The following RBFOX1 variants were observed in gnomAD, a reference collection of about 807,000 sequenced individuals.
The protein encoded by RBFOX1 is RNA binding fox-1 homolog 1, also known as RNA binding protein fox-1 homolog 1.
RBFOX1 carries 8 observed loss-of-function variants against 57.7 expected under a neutral mutation model. The observed-to-expected ratio is 0.14, with a 90% CI of 0.08 to 0.25. RBFOX1 has a LOEUF of 0.25. Among genes scored for constraint, RBFOX1 ranks in the 10% least tolerant of loss-of-function variants. RBFOX1 has a pLI of 1.00. For missense variants in RBFOX1, 611 were observed against 548.5 expected (o/e 1.11, Z -1.14); for synonymous variants, 326 against 222.4 (o/e 1.47, Z -4.15).
At chr16:5,263,034 C>G (rs546519536) in intron 1 of RBFOX1, among the ~76,000 whole-genome samples, 1 of 151,844 alleles carries the variant, frequency 6.6e-6, no homozygotes, top group East Asian at 1.9e-4. Flanking sequence ...TCTTTGGGCT[C>G]CACTGAAGAG....
intron 1 of RBFOX1, among the ~76,000 whole-genome samples, chr16:5,283,333 C>A (rs530400953): frequency 6.6e-6 from 1 of 152,188 alleles, no homozygotes; most frequent in Non-Finnish European, 1.5e-5. Flanking sequence ...ACTGTGGCAC[C>A]ACCTAGTGGA....
rs536649323 is a variant in RBFOX1, at chr16:5,531,607, T to G, written c.258+64353T>G. Reference sequence around the variant, plus strand: ...CTTAACATCTGCAAGTCTCAGTTTTTTCATCTGTGTAATAGGATTAGCAAT... The same window carrying G: ...CTTAACATCTGCAAGTCTCAGTTTTGTCATCTGTGTAATAGGATTAGCAAT... On this transcript the variant is annotated intron_variant, in intron 2 of 2. Transcript: ENST00000585867. Among the ~76,000 whole-genome samples, 8 of 152,054 alleles carry G rather than the reference T, an allele frequency of 5.3e-5. No individual in the cohort carries two copies. In the South Asian group the frequency reaches 1.7e-3, roughly 32 times the overall value.
At chr16:5,547,780 C>T (rs937628733) in intron 2 of RBFOX1, among the ~76,000 whole-genome samples, 10 of 152,186 alleles carry the variant, frequency 6.6e-5, no homozygotes, top group East Asian at 3.9e-4. Context: ...TTATCCTAAG[C>T]GAATTAATGC....
Position 7,026,689 on chromosome 16 carries a change from T to G in RBFOX1, c.-15-25368T>G, listed in dbSNP as rs547131838. Among the ~76,000 whole-genome samples, 14 of 152,248 alleles carry G rather than the reference T, an allele frequency of 9.2e-5. 1 individual carries two copies. The highest frequency in any genetic ancestry group is 3.4e-4 in the African/African-American group (14 of 41,558). On this transcript the variant is annotated intron_variant, in intron 3 of 15. Transcript: ENST00000550418. ...AAATACTGTCCCTGTACCTCTCAGG[T>G]CGGGTGACTTACTGTGCCTCTGAAC... is the stretch of plus-strand genomic sequence containing the variant.
At chr16:5,952,839 C>T (rs189037521) in intron 4 of RBFOX1, among the ~76,000 whole-genome samples, 37 of 152,192 alleles carry the variant, frequency 2.4e-4, no homozygotes, top group African/African-American at 8.4e-4. Flanking sequence ...CAGAGTAACC[C>T]GAGACTTGGT....
At chr16:7,296,444 A>G (rs1043185958) in intron 4 of RBFOX1, among the ~76,000 whole-genome samples, 7 of 152,072 alleles carry the variant, frequency 4.6e-5, no homozygotes, top group Admixed American at 4.6e-4. Flanking sequence ...GGAACTGTCC[A>G]TGTCATTGAG....
intron 1 of RBFOX1, among the ~76,000 whole-genome samples, chr16:5,386,963 A>G (rs2066275615): frequency 6.6e-6 from 1 of 152,208 alleles, no homozygotes; most frequent in South Asian, 2.1e-4. Context: ...AGGCAGTAGA[A>G]TCTCTTGAAC....
At chr16:7,232,883 C>T (rs1203580481) in intron 4 of RBFOX1, among the ~76,000 whole-genome samples, 2 of 148,034 alleles carry the variant, frequency 1.4e-5, no homozygotes, top group Admixed American at 6.8e-5. Flanking sequence ...AATGAGGTAA[C>T]AGAAACAAAG....
chr16:6,948,637 C>A (rs1399940879), intron 3 of RBFOX1, among the ~76,000 whole-genome samples: 1 of 151,980 alleles, frequency 6.6e-6, no homozygotes, highest in Non-Finnish European at 1.5e-5. Flanking sequence ...TCGCCTTGGC[C>A]TCCCAAAGTG....
rs552121944 is a variant in RBFOX1 at position 6,544,511 on chromosome 16, C to T, written c.-63-110092C>T. ...TCATAGGAAATTTTTCATGTGAATT[C>T]AACTCTGATCTCTTCATTATTGATT... is the stretch of plus-strand genomic sequence containing the variant. On this transcript the variant is annotated intron_variant, in intron 2 of 15. Transcript: ENST00000550418. Among the ~76,000 whole-genome samples the T allele has an allele frequency of 2.4e-4, 36 of 152,248 alleles. No homozygotes were observed. In the South Asian group the frequency reaches 7.3e-3, roughly 31 times the overall value.
At chr16:6,979,276 T>A (rs923584681) in intron 3 of RBFOX1, among the ~76,000 whole-genome samples, 1 of 152,120 alleles carries the variant, frequency 6.6e-6, no homozygotes, top group African/African-American at 2.4e-5. Flanking sequence ...CCTTAGAGGA[T>A]TCTATGGGGT....
chr16:7,245,019 C>T (rs991769751), intron 4 of RBFOX1, among the ~76,000 whole-genome samples: 34 of 152,112 alleles, frequency 2.2e-4, no homozygotes, highest in African/African-American at 7.7e-4. Context: ...AGCTGCATAC[C>T]ATTTTCATGA....
chr16:7,051,492 T>C (rs1293238358), intron 3 of RBFOX1, among the ~76,000 whole-genome samples: 5 of 152,192 alleles, frequency 3.3e-5, no homozygotes, highest in Non-Finnish European at 5.9e-5. Flanking sequence ...CCTATCAGGA[T>C]CTCTTTCTGT....
intron 3 of RBFOX1, among the ~76,000 whole-genome samples, chr16:5,645,517 G>T (rs765794379): frequency 3.3e-5 from 5 of 152,168 alleles, no homozygotes; most frequent in African/African-American, 4.8e-5. Flanking sequence ...ATACTGAATG[G>T]TTCACTTTAA....
chr16:6,397,939 G>A (rs950584944), intron 2 of RBFOX1, among the ~76,000 whole-genome samples: 1 of 152,114 alleles, frequency 6.6e-6, no homozygotes, highest in Non-Finnish European at 1.5e-5. Flanking sequence ...AACCCAAAAT[G>A]AGACTGAAAA....
intron 2 of RBFOX1, among the ~76,000 whole-genome samples, chr16:6,580,033 A>C (rs1263377841): frequency 6.6e-6 from 1 of 151,978 alleles, no homozygotes; most frequent in Non-Finnish European, 1.5e-5. Flanking sequence ...ATCTCAGATC[A>C]CTGCAACTTC....
At chr16:6,160,717 A>ACT (rs1307334338) in intron 1 of RBFOX1, among the ~76,000 whole-genome samples, 12 of 151,878 alleles carry the variant, frequency 7.9e-5, no homozygotes, top group Non-Finnish European at 1.2e-4. Flanking sequence ...ACCTGGCACC[A>ACT]CTCCCATCTT....
intron 4 of RBFOX1, among the ~76,000 whole-genome samples, chr16:5,965,201 T>C (rs117943910): frequency 2.0e-5 from 3 of 152,294 alleles, no homozygotes; most frequent in East Asian, 1.9e-4. Context: ...CAGTTATAAG[T>C]TGAACAAGTT....
intron 3 of RBFOX1, among the ~76,000 whole-genome samples, chr16:5,699,599 C>G (rs1274917892): frequency 2.6e-5 from 4 of 151,966 alleles, no homozygotes; most frequent in African/African-American, 9.7e-5. Flanking sequence ...AGTTAAGAGA[C>G]ATTTTTGGTT....
Sources: allele counts gnomAD v4.1 joint callset (sites outside exome capture counted in the v4.1 genomes callset), GRCh38; gene constraint gnomAD v4.1.1; transcripts MANE v1.5; gene names NCBI Gene and HGNC (gene_info 2026-07-23, HGNC 2026-07-21).